Variants in FOXP1 observed in about 807,000 individuals in gnomAD.
FOXP1 encodes forkhead box protein P1.
FOXP1 carries 15 observed loss-of-function variants against 98.2 expected under a neutral mutation model. The observed-to-expected ratio is 0.15, with a 90% CI of 0.10 to 0.24. The LOEUF is 0.24. Ranked by LOEUF, FOXP1 falls within the 10% of genes least tolerant of loss-of-function variation. The pLI, the probability that FOXP1 is intolerant of heterozygous loss-of-function variation, is 1.00. For missense variants in FOXP1, 633 were observed against 848.5 expected (o/e 0.75, Z 3.15); for synonymous variants, 371 against 314.5 (o/e 1.18, Z -1.90).
chr3:71,358,180 T>C (rs960010880), intron 4 of FOXP1, among the ~76,000 whole-genome samples: 1 of 152,206 alleles, frequency 6.6e-6, no homozygotes. Context: ...AGGTGAGATC[T>C]TACAGCACTC....
rs529102476 is a variant in FOXP1 at position 71,077,979 on chromosome 3, C to T, written c.283-24206G>A. 4.8e-3 allele frequency among the ~76,000 whole-genome samples: 733 copies of T among 152,214 alleles called. 5 individuals carry two copies. The highest frequency in any genetic ancestry group is 8.3e-3 in the Non-Finnish European group (562 of 67,996). ...TCCCGAGTAACTGCGATTATAGGCA[C>T]GCGCCATCACGCTTGGCTAATTTTG... is the stretch of plus-strand genomic sequence containing the variant. On this transcript the variant is annotated intron_variant, in intron 7 of 20. Transcript: ENST00000649528.
At chr3:71,355,059 A>G (rs556759938) in intron 4 of FOXP1, among the ~76,000 whole-genome samples, 1 of 152,334 alleles carries the variant, frequency 6.6e-6, no homozygotes, top group African/African-American at 2.4e-5. Context: ...TGGGACACGC[A>G]GAGTATGCAG....
chr3:71,364,080 G>A lies in FOXP1; in HGVS notation c.-167-4836C>T, dbSNP rs185796733. Reference sequence around the variant, plus strand: ...TTAAACTGCACTGAGTTAAGCTCCCGAGCAGCTGGGACTACAGGCGCGTGC... The same window carrying A: ...TTAAACTGCACTGAGTTAAGCTCCCAAGCAGCTGGGACTACAGGCGCGTGC... On this transcript the variant is annotated intron_variant, in intron 3 of 20. Coordinates refer to ENST00000649528, the MANE Select transcript of FOXP1 (RefSeq NM_001349338.3). Among the ~76,000 whole-genome samples, 254 of 152,256 alleles carry A rather than the reference G, an allele frequency of 1.7e-3. 1 individual carries two copies. The highest frequency in any genetic ancestry group is 6.8e-3 in the Middle Eastern group (2 of 294).
At chr3:71,218,075 G>T (rs1286302931) in intron 5 of FOXP1, among the ~76,000 whole-genome samples, 1 of 152,138 alleles carries the variant, frequency 6.6e-6, no homozygotes, top group Non-Finnish European at 1.5e-5. Context: ...ATGAGCGGAG[G>T]TGACTTGAGT....
At chr3:71,182,782 T>A (rs1395472684) in intron 6 of FOXP1, among the ~76,000 whole-genome samples, 2 of 151,940 alleles carry the variant, frequency 1.3e-5, no homozygotes, top group East Asian at 3.9e-4. Flanking sequence ...TGAGCTCAGG[T>A]GATCTTCCAG....
chr3:71,245,445 G>C (rs1190187559), intron 5 of FOXP1: 1 of 151,280 alleles, frequency 6.6e-6, no homozygotes, highest in Non-Finnish European at 1.5e-5. Flanking sequence ...AATTTGCTAA[G>C]AATGTTTGCA....
intron 2 of FOXP1, among the ~76,000 whole-genome samples, chr3:71,518,918 G>T (rs115307749): frequency 1.3e-5 from 2 of 152,200 alleles, no homozygotes; most frequent in Admixed American, 6.5e-5. Context: ...CAAGGCTCCC[G>T]AATAGATGAA....
At chr3:70,985,004 C>A (rs894708559) in intron 14 of FOXP1, among the ~76,000 whole-genome samples, 2 of 152,186 alleles carry the variant, frequency 1.3e-5, no homozygotes, top group African/African-American at 2.4e-5. Context: ...GCAAATGACA[C>A]TTAACACCCA....
intron 7 of FOXP1, among the ~76,000 whole-genome samples, chr3:71,061,655 G>A (rs2051501557): frequency 6.6e-6 from 1 of 152,106 alleles, no homozygotes; most frequent in South Asian, 2.1e-4. Flanking sequence ...TCGATCAACT[G>A]TTGCTACATT....
intron 6 of FOXP1, among the ~76,000 whole-genome samples, chr3:71,135,282 A>G (rs2059768260): frequency 6.8e-6 from 1 of 147,486 alleles, no homozygotes. Context: ...AAAAAAAGTT[A>G]TAATCCCCTA....
chr3:71,196,765 C>T (rs2063327403), intron 6 of FOXP1, among the ~76,000 whole-genome samples: 1 of 152,198 alleles, frequency 6.6e-6, no homozygotes, highest in Admixed American at 6.5e-5. Context: ...GGAATTTGGC[C>T]ATCTGCACTA....
chr3:71,096,999 C>T (rs1262057392), intron 7 of FOXP1, among the ~76,000 whole-genome samples: 3 of 152,126 alleles, frequency 2.0e-5, no homozygotes, highest in African/African-American at 4.8e-5. Flanking sequence ...AAAATGGATG[C>T]CTCTTCCTCC....
intron 4 of FOXP1, among the ~76,000 whole-genome samples, chr3:71,308,749 A>ATGTGTGTGTGTGTG (rs71104439): frequency 2.0e-4 from 26 of 132,284 alleles, no homozygotes; most frequent in East Asian, 1.0e-3. Context: ...TTCTACCACA[A>ATGTGTGTGTGTGTG]TGTGTGTGTG....
chr3:71,415,108 G>C (rs910799954), intron 3 of FOXP1, among the ~76,000 whole-genome samples: 1 of 152,040 alleles, frequency 6.6e-6, no homozygotes, highest in African/African-American at 2.4e-5. Context: ...CCTCCACACG[G>C]GCATTCTGAA....
chr3:71,459,033 AT>A (rs1057292300), intron 3 of FOXP1, among the ~76,000 whole-genome samples: 2 of 151,940 alleles, frequency 1.3e-5, no homozygotes, highest in African/African-American at 2.4e-5. Flanking sequence ...TCAAGGCTTT[AT>A]TTTTTTTCTG....
chr3:71,495,449 C>T (rs2091338280), intron 2 of FOXP1, among the ~76,000 whole-genome samples: 1 of 152,114 alleles, frequency 6.6e-6, no homozygotes, highest in Admixed American at 6.5e-5. Context: ...CAGAAAAATG[C>T]CCAGCTCATA....
chr3:71,278,433 C>T (rs1428643668), intron 5 of FOXP1, among the ~76,000 whole-genome samples: 1 of 152,192 alleles, frequency 6.6e-6, no homozygotes, highest in Non-Finnish European at 1.5e-5. Flanking sequence ...GAAAACCCAG[C>T]TTGCCTCCAT....
At chr3:71,144,497 T>C (rs1167135881) in intron 6 of FOXP1, among the ~76,000 whole-genome samples, 1 of 152,176 alleles carries the variant, frequency 6.6e-6, no homozygotes, top group Non-Finnish European at 1.5e-5. Flanking sequence ...AAGCATCTCA[T>C]TCGGCAGGTA....
chr3:70,971,224 G>T (rs1366105386), intron 18 of FOXP1: 1 of 280,020 alleles, frequency 3.6e-6, no homozygotes, highest in African/African-American at 2.2e-5. Context: ...GCATCTTTGA[G>T]ATTTGAACTT....
Sources: allele counts gnomAD v4.1 joint callset (sites outside exome capture counted in the v4.1 genomes callset), GRCh38; gene constraint gnomAD v4.1.1; transcripts MANE v1.5; gene names NCBI Gene and HGNC (gene_info 2026-07-23, HGNC 2026-07-21).